The following DEK variants were observed in gnomAD, a reference collection of about 807,000 sequenced individuals.
DEK encodes the protein DEK proto-oncogene.
DEK carries 28 observed loss-of-function variants against 46.8 expected under a neutral mutation model. That is an observed-to-expected ratio of 0.60 (90% confidence interval 0.44 to 0.82). The LOEUF is 0.82. Among genes scored for constraint, DEK ranks in the 40% least tolerant of loss-of-function variants. The pLI is 0.00. For synonymous variants in DEK, 160 were observed against 144.5 expected, an observed-to-expected ratio of 1.11 and a Z score of -0.77; for missense variants, 416 against 430.6, an observed-to-expected ratio of 0.97 and a Z score of 0.30.
At chr6:18,263,705 G>T in intron 2 of DEK, 138 bp downstream of exon 2, 1 of 1,566,034 alleles carries the variant, frequency 6.4e-7, no homozygotes. Context: ...CAGATAAATT[G>T]TGCACACATT....
chr6:18,254,260 G>C (rs1448875050), intron 6 of DEK, among the ~76,000 whole-genome samples: 1 of 152,130 alleles, frequency 6.6e-6, no homozygotes, highest in South Asian at 2.1e-4. Context: ...GAACCTGGGA[G>C]ACAGTGGTTG....
At chr6:18,227,887 C>T (rs565190723) in intron 9 of DEK, among the ~76,000 whole-genome samples, 25 of 152,322 alleles carry the variant, frequency 1.6e-4, no homozygotes, top group Non-Finnish European at 2.2e-4. Context: ...ATTCCACAAC[C>T]TGAAAAGCAA....
intron 7 of DEK, chr6:18,244,456 A>G (rs1791024438): frequency 1.1e-6 from 1 of 931,694 alleles, no homozygotes. Flanking sequence ...GAGGAATGAC[A>G]TAAGCACTTT....
intron 9 of DEK, among the ~76,000 whole-genome samples, chr6:18,232,819 CCAAT>C (rs1391801206): frequency 1.3e-5 from 2 of 152,152 alleles, no homozygotes; most frequent in African/African-American, 4.8e-5. Context: ...CATCAAGCTA[CCAAT>C]CACTTTCTTC....
At chr6:18,263,406 T>C (rs1791962384) in intron 2 of DEK, among the ~76,000 whole-genome samples, 1 of 152,120 alleles carries the variant, frequency 6.6e-6, no homozygotes, top group South Asian at 2.1e-4. Flanking sequence ...ATAACTTCAG[T>C]CTTAACGGGC....
In DEK at chr6:18,256,335, A is replaced by C. The variant is rs779183063; in HGVS notation, c.452+26T>G. 4 of 1,565,184 alleles carry C rather than the reference A, an allele frequency of 2.6e-6. No individual in the cohort carries two copies. In the Admixed American group the frequency reaches 6.9e-5, roughly 27 times the overall value. On this transcript the variant is annotated intron_variant, in intron 5 of 10. Coordinates refer to ENST00000652689, the MANE Select transcript of DEK (RefSeq NM_003472.4). ...ATAAACTTAAAGCATATTGATCAAA[A>C]TACAGTATTTATAAAAATAACTTAC...
chr6:18,249,585 T>G, intron 7 of DEK, 66 bp downstream of exon 7: 2 of 1,446,246 alleles, frequency 1.4e-6, no homozygotes, highest in Non-Finnish European at 1.8e-6. Context: ...GGCTGTACCT[T>G]ATAGCAGAAA....
At chr6:18,244,175 T>A (rs536884625) in intron 7 of DEK, among the ~76,000 whole-genome samples, 34 of 152,160 alleles carry the variant, frequency 2.2e-4, no homozygotes, top group African/African-American at 7.5e-4. Flanking sequence ...TAAGTTTTTT[T>A]AAAAAAAGAA....
chr6:18,250,797 T>TA (rs1211158353), intron 6 of DEK, among the ~76,000 whole-genome samples: 3 of 151,320 alleles, frequency 2.0e-5, no homozygotes, highest in Admixed American at 2.0e-4. Flanking sequence ...GCCTGGCCCA[T>TA]AAAAAAAATG....
chr6:18,238,455 T>C (rs1790761225), intron 7 of DEK, among the ~76,000 whole-genome samples: 1 of 151,686 alleles, frequency 6.6e-6, no homozygotes, highest in South Asian at 2.1e-4. Context: ...TTCCAGCACT[T>C]TGGGAGGTCA....
chr6:18,240,887 G>T (rs1443394544), intron 7 of DEK, among the ~76,000 whole-genome samples: 1 of 152,140 alleles, frequency 6.6e-6, no homozygotes, highest in Non-Finnish European at 1.5e-5. Flanking sequence ...GTATTAACTA[G>T]CCATGATATA....
At chr6:18,234,642 C>T (rs141525442) in intron 9 of DEK, among the ~76,000 whole-genome samples, 83 of 152,296 alleles carry the variant, frequency 5.4e-4, no homozygotes, top group African/African-American at 1.9e-3. Flanking sequence ...TGAATTCCTT[C>T]AATTTTCTGA....
At position 18,263,928 on chromosome 6, in the gene DEK, CT is replaced by C; in HGVS notation, c.59del (p.Glu20GlyfsTer44). 1 of 1,612,776 alleles carries C rather than the reference CT, an allele frequency of 6.2e-7. No homozygotes were observed. The highest frequency in any genetic ancestry group is 8.5e-7 in the Non-Finnish European group (1 of 1,179,372). On this transcript the variant is annotated frameshift_variant, in exon 2 of 11. Transcript: ENST00000652689. LOFTEE classifies it high-confidence loss of function. Reference sequence around the variant, plus strand: ...TGGGACCGGGCATTTCGGGTTCTTTCTCGGACGCGGGCTGGGTGGGGGTTCC... The same window carrying C: ...TGGGACCGGGCATTTCGGGTTCTTTCCGGACGCGGGCTGGGTGGGGGTTCC... ...GEGTPTQPAS[E>X]KEPEMPGPRE...
intron 9 of DEK, among the ~76,000 whole-genome samples, chr6:18,234,406 T>C (rs900792202): frequency 6.6e-6 from 1 of 152,108 alleles, no homozygotes; most frequent in African/African-American, 2.4e-5. Flanking sequence ...CAATCCCGAA[T>C]TGGTCTAACC....
chr6:18,233,087 A>G (rs1343491195), intron 9 of DEK, among the ~76,000 whole-genome samples: 1 of 152,218 alleles, frequency 6.6e-6, no homozygotes, highest in East Asian at 1.9e-4. Context: ...CCTGACAAAA[A>G]CAAGAAATGG....
chr6:18,240,202 A>T (rs560123625), intron 7 of DEK, among the ~76,000 whole-genome samples: 1 of 152,368 alleles, frequency 6.6e-6, no homozygotes, highest in African/African-American at 2.4e-5. Context: ...ATAAATAACA[A>T]GCCATCTCCA....
chr6:18,227,778 G>A (rs931317837), intron 9 of DEK, among the ~76,000 whole-genome samples: 7 of 152,112 alleles, frequency 4.6e-5, no homozygotes, highest in African/African-American at 1.7e-4. Flanking sequence ...TTAGATAACA[G>A]AACTAAGTTC....
At chr6:18,231,098 C>T (rs1561973862) in intron 9 of DEK, among the ~76,000 whole-genome samples, 1 of 152,152 alleles carries the variant, frequency 6.6e-6, no homozygotes, top group Non-Finnish European at 1.5e-5. Flanking sequence ...GGAAACTGAA[C>T]AACCTGCTCC....
intron 7 of DEK, among the ~76,000 whole-genome samples, chr6:18,245,292 C>G (rs1354699403): frequency 6.6e-6 from 1 of 152,192 alleles, no homozygotes; most frequent in Non-Finnish European, 1.5e-5. Context: ...GATGAGAGAT[C>G]AGGAAAGGAC....
Sources: allele counts gnomAD v4.1 joint callset (sites outside exome capture counted in the v4.1 genomes callset), GRCh38; gene constraint gnomAD v4.1.1; transcripts MANE v1.5; gene names NCBI Gene and HGNC (gene_info 2026-07-23, HGNC 2026-07-21).